Variants in SLC35F4 observed in about 807,000 individuals in gnomAD.
SLC35F4 encodes chromosome 14 open reading frame 36.
In SLC35F4, 24 loss-of-function variants were observed where a neutral mutation model predicts 44.2. The observed-to-expected ratio is 0.54, with a 90% confidence interval of 0.39 to 0.76. The LOEUF (loss-of-function observed/expected upper bound fraction) is 0.76. Among genes scored for constraint, SLC35F4 ranks in the 30% least tolerant of loss-of-function variants. The pLI is 0.00. For missense variants in SLC35F4, 562 were observed against 586.1 expected (o/e 0.96, Z 0.42); for synonymous variants, 238 against 223.6 (o/e 1.06, Z -0.57).
chr14:57,625,665 G>T (rs571905045), intron 1 of SLC35F4, among the ~76,000 whole-genome samples: 1 of 152,050 alleles, frequency 6.6e-6, no homozygotes, highest in Admixed American at 6.6e-5. Flanking sequence ...CAACCATCTG[G>T]TCTTCGACAA....
At chr14:57,661,935 C>A (rs1028657507) in intron 1 of SLC35F4, among the ~76,000 whole-genome samples, 10 of 152,158 alleles carry the variant, frequency 6.6e-5, no homozygotes, top group African/African-American at 7.2e-5. Flanking sequence ...TGTCCAACAG[C>A]CAGACCATAA....
intron 1 of SLC35F4, among the ~76,000 whole-genome samples, chr14:57,739,412 AAC>A (rs1423617045): frequency 3.3e-5 from 5 of 152,194 alleles, no homozygotes; most frequent in Non-Finnish European, 7.3e-5. Flanking sequence ...AGAGTAAAAA[AAC>A]ACAGAACTGG....
At chr14:57,944,755 A>AAAGAAAGG (rs1566508880) in intron 1 of SLC35F4, among the ~76,000 whole-genome samples, 2 of 145,224 alleles carry the variant, frequency 1.4e-5, no homozygotes, top group African/African-American at 5.0e-5. Context: ...AAGAAAGAAG[A>AAAGAAAGG]AAGGAAGAAA....
At chr14:57,894,844 T>A (rs1888840082) in intron 1 of SLC35F4, among the ~76,000 whole-genome samples, 1 of 152,134 alleles carries the variant, frequency 6.6e-6, no homozygotes, top group South Asian at 2.1e-4. Context: ...AATAAAAGGC[T>A]ATTTGAGAGT....
intron 1 of SLC35F4, among the ~76,000 whole-genome samples, chr14:57,664,291 G>A (rs1317365939): frequency 6.6e-6 from 1 of 152,124 alleles, no homozygotes; most frequent in Non-Finnish European, 1.5e-5. Context: ...TTTTACCATG[G>A]AAGACACTCA....
intron 1 of SLC35F4, among the ~76,000 whole-genome samples, chr14:57,963,751 C>A (rs1308473862): frequency 9.3e-6 from 1 of 108,060 alleles, no homozygotes; most frequent in African/African-American, 3.5e-5. Flanking sequence ...AGAGACAAGT[C>A]TCATTTTGTG....
intron 1 of SLC35F4, among the ~76,000 whole-genome samples, chr14:57,643,073 C>CCCAT: frequency 6.6e-6 from 1 of 151,162 alleles, no homozygotes; most frequent in East Asian, 2.0e-4. Flanking sequence ...TCTAATTAGC[C>CCCAT]CAAATATAAA....
At chr14:57,964,974 GAAAAAA>G (rs72495990) in intron 1 of SLC35F4, among the ~76,000 whole-genome samples, 6 of 119,002 alleles carry the variant, frequency 5.0e-5, no homozygotes, top group Admixed American at 2.6e-4. Flanking sequence ...TCCCATGGGG[GAAAAAA>G]AAAAAAAAAA....
At chr14:57,577,663 CTTT>C (rs547716979) in intron 4 of SLC35F4, among the ~76,000 whole-genome samples, 1 of 129,486 alleles carries the variant, frequency 7.7e-6, no homozygotes, top group African/African-American at 2.9e-5. Context: ...TGGGAAGAAC[CTTT>C]TTTTAAAAAA....
chr14:57,641,639 G>A (rs931949226), intron 1 of SLC35F4, among the ~76,000 whole-genome samples: 2 of 151,960 alleles, frequency 1.3e-5, no homozygotes, highest in Non-Finnish European at 2.9e-5. Flanking sequence ...GCTTTTAAAT[G>A]ACAATGTTTC....
intron 1 of SLC35F4, among the ~76,000 whole-genome samples, chr14:57,608,123 G>A (rs1009482874): frequency 6.6e-6 from 1 of 152,092 alleles, no homozygotes; most frequent in African/African-American, 2.4e-5. Flanking sequence ...GACAGATTTG[G>A]GCTGGAAACA....
chr14:57,600,675 G>C (rs1158827250), intron 1 of SLC35F4, among the ~76,000 whole-genome samples: 2 of 77,238 alleles, frequency 2.6e-5, no homozygotes, highest in African/African-American at 1.0e-4. Context: ...CTGGGCGACA[G>C]AGCAAGACTC....
intron 1 of SLC35F4, among the ~76,000 whole-genome samples, chr14:57,937,569 GAAA>G (rs1889821702): frequency 1.8e-5 from 2 of 111,188 alleles, no homozygotes; most frequent in Admixed American, 1.1e-4. Flanking sequence ...GAAAAGAAAA[GAAA>G]AGAGAAAAGA....
At chr14:57,620,176 C>T (rs2072096755) in intron 1 of SLC35F4, among the ~76,000 whole-genome samples, 1 of 152,102 alleles carries the variant, frequency 6.6e-6, no homozygotes. Context: ...CATTCCAATT[C>T]AGGAAATACA....
At chr14:57,581,780 G>A (rs978791038) in intron 3 of SLC35F4, among the ~76,000 whole-genome samples, 1 of 152,222 alleles carries the variant, frequency 6.6e-6, no homozygotes, top group Non-Finnish European at 1.5e-5. Flanking sequence ...AAGAGGGTGG[G>A]CAAACGAGAG....
intron 1 of SLC35F4, among the ~76,000 whole-genome samples, chr14:57,654,559 G>C (rs1341250249): frequency 1.3e-5 from 2 of 152,170 alleles, no homozygotes; most frequent in African/African-American, 4.8e-5. Context: ...ACATGCATGT[G>C]CAAGTGTCTT....
At chr14:57,976,227 C>T (rs899894798), downstream of SLC35F4, among the ~76,000 whole-genome samples, 1 of 152,162 alleles carries the variant, frequency 6.6e-6, no homozygotes, top group Non-Finnish European at 1.5e-5. Context: ...GTACATGTGT[C>T]CATTTGCTAG....
chr14:57,874,112 A>G (rs1888347538), intron 1 of SLC35F4, among the ~76,000 whole-genome samples: 1 of 152,188 alleles, frequency 6.6e-6, no homozygotes, highest in South Asian at 2.1e-4. Context: ...AAGAACATCC[A>G]TGCTTGGACA....
intron 1 of SLC35F4, among the ~76,000 whole-genome samples, chr14:57,825,853 C>G (rs912963098): frequency 1.6e-4 from 25 of 152,070 alleles, no homozygotes; most frequent in African/African-American, 5.8e-4. Flanking sequence ...TACCACCACT[C>G]AAAGAAATCA....
Sources: allele counts gnomAD v4.1 joint callset (sites outside exome capture counted in the v4.1 genomes callset), GRCh38; gene constraint gnomAD v4.1.1; transcripts MANE v1.5; gene names NCBI Gene and HGNC (gene_info 2026-07-23, HGNC 2026-07-21).